TIAM1: variants seen among roughly 807,000 people sequenced by gnomAD.
TIAM1 encodes rho guanine nucleotide exchange factor TIAM1.
TIAM1 carries 65 observed loss-of-function variants against 163.5 expected under a neutral mutation model. The observed-to-expected ratio is 0.40, with a 90% confidence interval of 0.33 to 0.49. The LOEUF (loss-of-function observed/expected upper bound fraction) is 0.49. TIAM1 is among the 20% of genes least tolerant of loss of function. The pLI is 0.77. For missense variants in TIAM1, 1,789 were observed against 2,044.7 expected (o/e 0.87, Z 2.41); for synonymous variants, 833 against 810.1 (o/e 1.03, Z -0.48).
chr21:31,452,041 A>G (rs2044880287), intron 2 of TIAM1, among the ~76,000 whole-genome samples: 1 of 152,194 alleles, frequency 6.6e-6, no homozygotes, highest in African/African-American at 2.4e-5. Flanking sequence ...CAAGATTGGC[A>G]GACCACCTTA....
chr21:31,154,512 C>T (rs1324379656), intron 16 of TIAM1, 86 bp from the exon 17 acceptor site: 3 of 1,387,320 alleles, frequency 2.2e-6, no homozygotes, highest in Admixed American at 2.2e-5. Context: ...GAGGTGTTCT[C>T]CCTGGTTAGT....
chr21:31,480,777 A>G (rs1279477323), intron 1 of TIAM1, among the ~76,000 whole-genome samples: 1 of 152,164 alleles, frequency 6.6e-6, no homozygotes, highest in Non-Finnish European at 1.5e-5. Flanking sequence ...TTGAGACAGA[A>G]TAGTCTCACT....
upstream of TIAM1, among the ~76,000 whole-genome samples, chr21:31,348,995 T>C (rs531067667): frequency 3.9e-5 from 6 of 152,210 alleles, no homozygotes; most frequent in South Asian, 2.1e-4. Context: ...GAAACTCTAA[T>C]AGCTTTTAAA....
chr21:31,554,700 C>G (rs945473495), intron 1 of TIAM1, among the ~76,000 whole-genome samples: 1 of 152,142 alleles, frequency 6.6e-6, no homozygotes, highest in East Asian at 1.9e-4. Context: ...ATCATGCCTG[C>G]GTAGTACCCC....
chr21:31,250,297 G>A (rs2071729770), intron 5 of TIAM1, among the ~76,000 whole-genome samples: 3 of 152,132 alleles, frequency 2.0e-5, no homozygotes, highest in African/African-American at 7.2e-5. Flanking sequence ...TAGGTGGGAG[G>A]GAAATAAAGT....
intron 26 of TIAM1, 97 bp from the exon 27 acceptor site, chr21:31,124,791 G>T: frequency 1.1e-5 from 12 of 1,095,224 alleles, no homozygotes; most frequent in Non-Finnish European, 1.5e-5. Flanking sequence ...ATCCCTTAGG[G>T]CCAAAGGCTA....
intron 2 of TIAM1, among the ~76,000 whole-genome samples, chr21:31,427,154 G>C (rs973001473): frequency 1.3e-5 from 2 of 152,092 alleles, no homozygotes; most frequent in Non-Finnish European, 2.9e-5. Context: ...CTGGCCTCAA[G>C]CAATCCTCCC....
intron 2 of TIAM1, chr21:31,452,697 A>G (rs1338650676): frequency 1.4e-5 from 6 of 442,420 alleles, no homozygotes; most frequent in Admixed American, 3.3e-5. Context: ...TCCATTTTCC[A>G]TAAGACTCAA....
chr21:31,357,568 T>G (rs2076336872), intron 2 of TIAM1, among the ~76,000 whole-genome samples: 1 of 152,172 alleles, frequency 6.6e-6, no homozygotes, highest in African/African-American at 2.4e-5. Context: ...GTTTTAGCAA[T>G]TTTCCTCTCT....
intron 1 of TIAM1, among the ~76,000 whole-genome samples, chr21:31,529,982 A>AC (rs1334194631): frequency 2.6e-5 from 4 of 151,398 alleles, no homozygotes; most frequent in Admixed American, 1.3e-4. Flanking sequence ...TGCTTTTGCG[A>AC]CCCCCCTGCA....
At chr21:31,148,974 G>GTTTTTTT (rs2083262441) in intron 19 of TIAM1, among the ~76,000 whole-genome samples, 1 of 64,934 alleles carries the variant, frequency 1.5e-5, no homozygotes, top group African/African-American at 7.1e-5. Flanking sequence ...TTTTTTTTTG[G>GTTTTTTT]TCAAATATAC....
At chr21:31,311,383 G>C (rs2074924757) in intron 2 of TIAM1, among the ~76,000 whole-genome samples, 1 of 152,150 alleles carries the variant, frequency 6.6e-6, no homozygotes. Flanking sequence ...AAACATTTAA[G>C]TCAAATCATT....
In TIAM1 at chr21:31,266,984, C is replaced by T. The variant is rs747866892; in HGVS notation, c.-11-1G>A. 9 of 1,588,496 alleles carry T rather than the reference C, an allele frequency of 5.7e-6. No homozygotes were observed. Among genetic ancestry groups the T allele is most frequent in the Non-Finnish European group, 7.7e-6 (9 of 1,164,796 alleles). On this transcript the variant is annotated splice_acceptor_variant, in intron 3 of 27. Coordinates refer to ENST00000541036, the MANE Select transcript of TIAM1 (RefSeq NM_001353694.2). LOFTEE classifies it low-confidence loss of function (5UTR_SPLICE). ...TCTGCGTTTCCCATGGTTTTATGGT[C>T]TGCAGCAAAGCGGGGGGAAAGGGGA...
intron 2 of TIAM1, among the ~76,000 whole-genome samples, chr21:31,390,513 T>G (rs982616152): frequency 5.9e-5 from 9 of 152,192 alleles, no homozygotes; most frequent in African/African-American, 2.2e-4. Flanking sequence ...GAATTAAGAA[T>G]GCAGGAGCAC....
chr21:31,529,160 C>G (rs549515105), intron 1 of TIAM1, among the ~76,000 whole-genome samples: 87 of 151,972 alleles, frequency 5.7e-4, no homozygotes, highest in Middle Eastern at 3.4e-3. Context: ...ACCTCCTGAT[C>G]TGCCCACCTC....
At chr21:31,387,257 G>A (rs144200393) in intron 2 of TIAM1, among the ~76,000 whole-genome samples, 100 of 131,384 alleles carry the variant, frequency 7.6e-4, no homozygotes, top group African/African-American at 2.8e-3. Flanking sequence ...GGTCTCGCTC[G>A]TGTCGTCCAG....
At chr21:31,459,957 G>A (rs566738379) in intron 2 of TIAM1, among the ~76,000 whole-genome samples, 2 of 152,114 alleles carry the variant, frequency 1.3e-5, no homozygotes, top group South Asian at 2.1e-4. Context: ...TTTTCCTCAG[G>A]GTGCTTTTCC....
intron 22 of TIAM1, among the ~76,000 whole-genome samples, chr21:31,137,894 T>C (rs1288388089): frequency 1.3e-5 from 2 of 150,020 alleles, no homozygotes; most frequent in Non-Finnish European, 3.0e-5. Flanking sequence ...GAGATAAATA[T>C]CTGTTGTAGA....
intron 1 of TIAM1, among the ~76,000 whole-genome samples, chr21:31,547,191 T>A (rs74942157): frequency 6.6e-6 from 1 of 152,230 alleles, no homozygotes; most frequent in South Asian, 2.1e-4. Flanking sequence ...GGTCCTGTTT[T>A]AAAGAATGGG....
Sources: allele counts gnomAD v4.1 joint callset (sites outside exome capture counted in the v4.1 genomes callset), GRCh38; gene constraint gnomAD v4.1.1; transcripts MANE v1.5; gene names NCBI Gene and HGNC (gene_info 2026-07-23, HGNC 2026-07-21).